The following AATF variants were observed in gnomAD, a reference collection of about 807,000 sequenced individuals.
AATF encodes protein AATF.
In AATF, 48 loss-of-function variants were observed where a neutral mutation model predicts 63.7. The ratio of observed to expected loss-of-function variants is 0.75; its 90% CI spans 0.60 to 0.96. The LOEUF is 0.96. AATF is among the 40% of genes least tolerant of loss of function. AATF has a pLI of 0.00. For missense variants in AATF, 639 were observed against 685.7 expected (o/e 0.93, Z 0.76); for synonymous variants, 258 against 247.7 (o/e 1.04, Z -0.39).
chr17:37,037,011 T>TC (rs1483286038), intron 11 of AATF, among the ~76,000 whole-genome samples: 1 of 97,630 alleles, frequency 1.0e-5, no homozygotes, highest in Admixed American at 9.0e-5. Flanking sequence ...CATCTTTTTG[T>TC]TTTTTTTTTT....
intron 4 of AATF, among the ~76,000 whole-genome samples, chr17:36,959,440 C>G (rs1480879239): frequency 6.6e-6 from 1 of 152,196 alleles, no homozygotes; most frequent in Non-Finnish European, 1.5e-5. Context: ...GAGAGTCTGT[C>G]TCAAGAAAAC....
chr17:37,049,654 T>C (rs2071729278), intron 11 of AATF, among the ~76,000 whole-genome samples: 1 of 152,002 alleles, frequency 6.6e-6, no homozygotes, highest in South Asian at 2.1e-4. Flanking sequence ...CTGTAGACAT[T>C]TTTAAGAGGA....
intron 10 of AATF, among the ~76,000 whole-genome samples, chr17:37,029,992 C>T (rs991923049): frequency 1.3e-4 from 20 of 152,112 alleles, no homozygotes; most frequent in African/African-American, 2.2e-4. Flanking sequence ...TGAGCCACTG[C>T]GCCAGGCCAA....
chr17:37,038,345 C>G (rs1392028089), intron 11 of AATF, among the ~76,000 whole-genome samples: 3 of 152,116 alleles, frequency 2.0e-5, no homozygotes, highest in African/African-American at 4.8e-5. Flanking sequence ...CAAACAAATA[C>G]TGACTGAGAC....
At chr17:36,980,520 G>T (rs1310106622) in intron 4 of AATF, 3 of 152,050 alleles carry the variant, frequency 2.0e-5, no homozygotes, top group Non-Finnish European at 4.4e-5. Context: ...GTAATAATTG[G>T]GAGAAAAATT....
chr17:37,020,352 T>C (rs1352071973), intron 9 of AATF, among the ~76,000 whole-genome samples: 2 of 152,078 alleles, frequency 1.3e-5, no homozygotes, highest in Non-Finnish European at 2.9e-5. Context: ...AGAGTCCTTA[T>C]CGCTTCTCTT....
intron 11 of AATF, among the ~76,000 whole-genome samples, chr17:37,040,681 T>TCCCC (rs1555654506): frequency 9.8e-5 from 14 of 143,546 alleles, no homozygotes; most frequent in African/African-American, 1.6e-4. Flanking sequence ...AAGGCCCCCA[T>TCCCC]CCCCACCCCT....
chr17:36,961,941 C>A lies in AATF; in HGVS notation c.832+8034C>A, dbSNP rs181635923. Among the ~76,000 whole-genome samples, 6 of 152,272 alleles carry A rather than the reference C, an allele frequency of 3.9e-5. No individual in the cohort carries two copies. The East Asian group carries it at 1.2e-3, about 29-fold the overall frequency. On this transcript the variant is annotated intron_variant, in intron 4 of 11. Coordinates refer to ENST00000619387, the MANE Select transcript of AATF (RefSeq NM_012138.4). ...CTGCCTGTCTCAGCCTCCCAAAGTG[C>A]TGGGATTACAGGCGTGAGCCACGGT...
chr17:37,018,915 C>T (rs976653095), intron 8 of AATF, 90 bp from the exon 9 acceptor site: 5 of 1,035,548 alleles, frequency 4.8e-6, no homozygotes, highest in Non-Finnish European at 7.6e-6. Flanking sequence ...AGAGCTGTCA[C>T]TATGCCATTC....
In AATF at chr17:36,952,917, A is replaced by G. The variant is rs780184904; in HGVS notation, c.315A>G (p.Gly105=). The change falls in exon 3 of 12, where the codon GGA becomes GGG. Residue 105 remains glycine, a synonymous_variant. Coordinates refer to ENST00000619387, the MANE Select transcript of AATF (RefSeq NM_012138.4). ...AAATATCTGATGAGGAAGGGTCTGG[A>G]GATGAAGATTCAGAGGGACTGGGTC... ...DEEISDEEGS[G]DEDSEGLGLE... The G allele has an allele frequency of 1.2e-6, 2 of 1,614,120 alleles. No homozygotes were observed. The highest frequency in any genetic ancestry group is 1.1e-5 in the South Asian group (1 of 91,078).
At chr17:36,955,364 G>T (rs1049932455) in intron 4 of AATF, among the ~76,000 whole-genome samples, 5 of 152,202 alleles carry the variant, frequency 3.3e-5, no homozygotes, top group Non-Finnish European at 5.9e-5. Context: ...CTTAAAGTCT[G>T]CTTCTTCCCC....
chr17:37,056,691 G>T lies in AATF; in HGVS notation c.*27G>T, dbSNP rs1196686149. ...ATCGCCCACCTCCGACACCCAGTGG[G>T]CGCCTTGGCTGGTGCGGCTGCTGGT... is the stretch of plus-strand genomic sequence containing the variant. On this transcript the variant is annotated 3_prime_UTR_variant, in exon 12 of 12. Coordinates refer to ENST00000619387, the MANE Select transcript of AATF (RefSeq NM_012138.4). 15 of 1,613,602 alleles carry T rather than the reference G, an allele frequency of 9.3e-6. No individual in the cohort carries two copies. The highest frequency in any genetic ancestry group is 1.1e-5 in the Non-Finnish European group (13 of 1,179,718).
At chr17:37,038,263 C>T (rs2071608793) in intron 11 of AATF, among the ~76,000 whole-genome samples, 1 of 151,950 alleles carries the variant, frequency 6.6e-6, no homozygotes, top group African/African-American at 2.4e-5. Context: ...TTTGACAGAC[C>T]CTCTGAGGCA....
At chr17:36,950,193 C>T (rs1050566145) in intron 1 of AATF, 21 bp from the exon 2 acceptor site, 2 of 1,608,170 alleles carry the variant, frequency 1.2e-6, no homozygotes, top group South Asian at 1.1e-5. Context: ...ATTCTGTTTA[C>T]TTTTCCCTCT....
At chr17:37,009,251 G>A (rs1372889976) in intron 8 of AATF, among the ~76,000 whole-genome samples, 2 of 151,432 alleles carry the variant, frequency 1.3e-5, no homozygotes, top group Non-Finnish European at 2.9e-5. Context: ...TCTGCCTCAG[G>A]CTCCCGAGTA....
chr17:37,023,846 C>A (rs1207182208), intron 10 of AATF, among the ~76,000 whole-genome samples: 1 of 151,912 alleles, frequency 6.6e-6, no homozygotes, highest in Admixed American at 6.6e-5. Context: ...CAGCCCCACA[C>A]CCCCACCCCT....
chr17:37,023,964 T>C (rs1311305832), intron 10 of AATF, among the ~76,000 whole-genome samples: 1 of 152,214 alleles, frequency 6.6e-6, no homozygotes, highest in Non-Finnish European at 1.5e-5. Context: ...CTAGATTACT[T>C]ATAATACCTA....
At chr17:37,039,921 T>C (rs777209504) in intron 11 of AATF, among the ~76,000 whole-genome samples, 3 of 152,248 alleles carry the variant, frequency 2.0e-5, no homozygotes, top group African/African-American at 7.2e-5. Context: ...GATTTGTAGA[T>C]GCTGAACAGA....
chr17:37,019,849 G>T (rs971051296), intron 9 of AATF, among the ~76,000 whole-genome samples: 1 of 152,146 alleles, frequency 6.6e-6, no homozygotes, highest in Non-Finnish European at 1.5e-5. Context: ...TTTATCTCTG[G>T]AATGTTATAG....
Sources: gnomAD v4.1 joint callset for allele counts (sites outside exome capture counted in the v4.1 genomes callset) on GRCh38, gnomAD v4.1.1 for gene constraint, MANE v1.5 for transcripts, NCBI Gene and HGNC (gene_info 2026-07-23, HGNC 2026-07-21) for gene names.